Variants in PARD3 observed in about 807,000 individuals in gnomAD.
PARD3 encodes the protein partitioning defective 3 homolog.
PARD3 carries 75 observed loss-of-function variants against 155.4 expected under a neutral mutation model. The observed-to-expected ratio is 0.48, with a 90% confidence interval of 0.40 to 0.58. The LOEUF is 0.58. PARD3 is among the 20% of genes least tolerant of loss of function. The pLI is 0.00. For missense variants in PARD3, 1,642 were observed against 1,721.7 expected (o/e 0.95, Z 0.82); for synonymous variants, 576 against 610.5 (o/e 0.94, Z 0.83).
intron 22 of PARD3, among the ~76,000 whole-genome samples, chr10:34,183,644 A>G (rs638386): frequency 0.19 from 29,604 of 152,148 alleles, 3,790 homozygotes; most frequent in Non-Finnish European, 0.26. Context: ...GCATATTAAA[A>G]GTCTAAGGTG....
intron 4 of PARD3, among the ~76,000 whole-genome samples, chr10:34,466,254 G>A (rs951365628): frequency 1.3e-5 from 2 of 151,952 alleles, no homozygotes; most frequent in African/African-American, 4.8e-5. Context: ...TGGGACCCTC[G>A]GCCTCTTCAG....
intron 20 of PARD3, among the ~76,000 whole-genome samples, chr10:34,306,068 C>A (rs187448206): frequency 6.6e-6 from 1 of 151,010 alleles, no homozygotes; most frequent in African/African-American, 2.4e-5. Context: ...CACAGGTGGG[C>A]GGATCATTTG....
chr10:34,742,270 C>A (rs1050410958), intron 1 of PARD3, among the ~76,000 whole-genome samples: 3 of 152,150 alleles, frequency 2.0e-5, no homozygotes, highest in Non-Finnish European at 2.9e-5. Context: ...GAGGCACTTG[C>A]CTCTGACACC....
At chr10:34,585,531 T>C (rs937171771) in intron 2 of PARD3, among the ~76,000 whole-genome samples, 9 of 146,956 alleles carry the variant, frequency 6.1e-5, no homozygotes, top group African/African-American at 2.0e-4. Flanking sequence ...ATTTTTCTTT[T>C]TTTTTCTTTT....
At chr10:34,441,932 G>A (rs1448622221) in intron 5 of PARD3, among the ~76,000 whole-genome samples, 1 of 152,122 alleles carries the variant, frequency 6.6e-6, no homozygotes, top group Non-Finnish European at 1.5e-5. Context: ...TGTTATTGGG[G>A]ACATAACAGA....
intron 20 of PARD3, among the ~76,000 whole-genome samples, chr10:34,309,896 CAAAAAAA>C (rs552115285): frequency 6.3e-5 from 6 of 95,582 alleles, no homozygotes; most frequent in Admixed American, 1.1e-4. Flanking sequence ...ATCAACCATC[CAAAAAAA>C]AAAAAAAAAA....
intron 2 of PARD3, among the ~76,000 whole-genome samples, chr10:34,625,111 A>G (rs1475068629): frequency 5.9e-5 from 9 of 152,226 alleles, no homozygotes; most frequent in Non-Finnish European, 8.8e-5. Context: ...ACAGTCCCCA[A>G]TGTTGTCAAG....
rs201039574 is a variant in PARD3 at position 34,401,856 on chromosome 10, C to T, written c.776G>A (p.Gly259Asp). Residue 259 changes from glycine (G) to aspartate (D), a missense_variant, in exon 6 of 25, where the codon GGT becomes GAT. Physicochemically the swap from Gly to Asp is moderately conservative, Grantham distance 94. This residue lies in a region of PARD3 where 1,529 missense variants were observed against 1,587.3 expected (regional missense o/e 0.96). Coordinates refer to ENST00000374788, the MANE Select transcript of PARD3 (RefSeq NM_001184785.2). ...AGAAAAGTTGGGTATATGCTCCAAA[C>T]CCGTGTCAGCATGTCCAACAGGTTC... ...RVEPVGHADTGLEHIPNFSLD... is the reference protein window; with the variant it reads ...RVEPVGHADTDLEHIPNFSLD... 49 of 1,613,418 alleles carry T rather than the reference C, an allele frequency of 3.0e-5. No homozygotes were observed. The Middle Eastern group carries it at 6.6e-4, about 22-fold the overall frequency.
intron 2 of PARD3, among the ~76,000 whole-genome samples, chr10:34,632,230 G>A (rs1402637393): frequency 2.6e-5 from 4 of 152,332 alleles, no homozygotes; most frequent in Middle Eastern, 3.4e-3. Context: ...CTACACTCCA[G>A]CCTGGGCTAC....
chr10:34,662,029 C>T (rs545140513), intron 2 of PARD3, among the ~76,000 whole-genome samples: 2 of 152,240 alleles, frequency 1.3e-5, no homozygotes, highest in Admixed American at 6.5e-5. Context: ...ACCTGCAGGC[C>T]TAACCGTGAA....
chr10:34,485,067 G>A (rs2079356500), intron 3 of PARD3, among the ~76,000 whole-genome samples: 1 of 152,220 alleles, frequency 6.6e-6, no homozygotes, highest in Admixed American at 6.5e-5. Context: ...GCCGGGCACA[G>A]TGGCATACAT....
intron 2 of PARD3, among the ~76,000 whole-genome samples, chr10:34,571,866 C>T (rs949513122): frequency 6.6e-6 from 1 of 152,062 alleles, no homozygotes. Flanking sequence ...TCCAGATAAA[C>T]AAAACCATTT....
At chr10:34,351,312 ATAAT>A (rs1226642164) in intron 14 of PARD3, among the ~76,000 whole-genome samples, 1 of 152,228 alleles carries the variant, frequency 6.6e-6, no homozygotes, top group African/African-American at 2.4e-5. Context: ...CACTGGTGGA[ATAAT>A]TAGATTAGTA....
chr10:34,278,202 A>G (rs1486254991), intron 21 of PARD3, among the ~76,000 whole-genome samples: 2 of 130,578 alleles, frequency 1.5e-5, no homozygotes, highest in African/African-American at 6.2e-5. Flanking sequence ...GCATACCACC[A>G]TGCCCTGCTA....
intron 22 of PARD3, among the ~76,000 whole-genome samples, chr10:34,214,423 ATGGTTT>A (rs1951902925): frequency 1.3e-5 from 2 of 152,194 alleles, no homozygotes; most frequent in Admixed American, 6.5e-5. Context: ...AAAGGCCCTT[ATGGTTT>A]TGAGCAACAT....
intron 3 of PARD3, among the ~76,000 whole-genome samples, chr10:34,491,582 T>G (rs563503497): frequency 1.3e-4 from 20 of 152,354 alleles, no homozygotes; most frequent in African/African-American, 4.6e-4. Context: ...ATTAAAGTGC[T>G]ATATTTAGAA....
intron 5 of PARD3, among the ~76,000 whole-genome samples, chr10:34,426,472 A>G (rs2132479668): frequency 6.6e-6 from 1 of 152,352 alleles, no homozygotes; most frequent in Non-Finnish European, 1.5e-5. Context: ...AGAGATAAGG[A>G]AAAGAGAACC....
At chr10:34,324,498 C>T (rs1564586094) in intron 19 of PARD3, among the ~76,000 whole-genome samples, 1 of 152,076 alleles carries the variant, frequency 6.6e-6, no homozygotes, top group Non-Finnish European at 1.5e-5. Context: ...CCGCATGGCA[C>T]AGGCAAGGGT....
At chr10:34,665,908 A>AC (rs2093457169) in intron 2 of PARD3, among the ~76,000 whole-genome samples, 1 of 151,494 alleles carries the variant, frequency 6.6e-6, no homozygotes, top group African/African-American at 2.4e-5. Context: ...AACAGAACAA[A>AC]AAGAAAAGAA....
Sources: allele counts gnomAD v4.1 joint callset (sites outside exome capture counted in the v4.1 genomes callset), GRCh38; gene constraint gnomAD v4.1.1; regional missense constraint gnomAD v4.1.1; transcripts MANE v1.5; gene names NCBI Gene and HGNC (gene_info 2026-07-23, HGNC 2026-07-21).